Variants in PDILT observed in about 807,000 individuals in gnomAD.
PDILT encodes the protein protein disulfide-isomerase-like protein of the testis.
In PDILT, 43 loss-of-function variants were observed where a neutral mutation model predicts 53.7. The observed-to-expected ratio is 0.80, with a 90% CI of 0.63 to 1.03. The LOEUF is 1.03. Among genes scored for constraint, PDILT ranks in the 50% least tolerant of loss-of-function variants. PDILT has a pLI of 0.00. For missense variants in PDILT, 727 were observed against 712.3 expected (o/e 1.02, Z -0.24); for synonymous variants, 282 against 274.2 (o/e 1.03, Z -0.28).
At chr16:20,378,228 T>C (rs894117905) in intron 3 of PDILT, among the ~76,000 whole-genome samples, 18 of 152,200 alleles carry the variant, frequency 1.2e-4, no homozygotes, top group Non-Finnish European at 2.6e-4. Flanking sequence ...TAAATGATAA[T>C]GTATGGTTAG....
intron 9 of PDILT, 57 bp from the exon 10 acceptor site, chr16:20,362,639 G>A (rs1024734021): frequency 7.0e-6 from 11 of 1,563,316 alleles, no homozygotes; most frequent in African/African-American, 4.1e-5. Flanking sequence ...GAAAGCTGGC[G>A]CCACCCTACA....
rs530238492 is a variant in PDILT, at chr16:20,381,850, C to T, written c.409+2795G>A. Among the ~76,000 whole-genome samples, 3 of 152,158 alleles carry T rather than the reference C, an allele frequency of 2.0e-5. No homozygotes were observed. In the South Asian group the frequency reaches 6.2e-4, roughly 32 times the overall value. On this transcript the variant is annotated intron_variant, in intron 3 of 11. Coordinates refer to ENST00000302451, the MANE Select transcript of PDILT (RefSeq NM_174924.2). ...GGGTACTTTACCCTATGCCCACCTG[C>T]AGTGGGTGCTTCCAATTCCATTGTA...
intron 1 of PDILT, among the ~76,000 whole-genome samples, chr16:20,400,942 T>A (rs1203172659): frequency 2.6e-5 from 4 of 152,248 alleles, no homozygotes; most frequent in Admixed American, 2.6e-4. Context: ...TCATAAATTT[T>A]AAGTCTGTTT....
intron 7 of PDILT, 90 bp from the exon 8 acceptor site, chr16:20,369,779 G>T: frequency 7.6e-7 from 1 of 1,324,350 alleles, no homozygotes; most frequent in Non-Finnish European, 1.1e-6. Context: ...GGATGCACAT[G>T]GTGGGGTCTG....
intron 2 of PDILT, among the ~76,000 whole-genome samples, chr16:20,388,376 T>G (rs1966566473): frequency 6.6e-6 from 1 of 152,188 alleles, no homozygotes; most frequent in Non-Finnish European, 1.5e-5. Flanking sequence ...CCCAGAGGTC[T>G]TACAGCTAGT....
At chr16:20,360,765 T>C in intron 10 of PDILT, 108 bp from the exon 11 acceptor site, 1 of 776,340 alleles carries the variant, frequency 1.3e-6, no homozygotes, top group Non-Finnish European at 2.3e-6. Context: ...ACCCCGGGTA[T>C]GTTATGCAGG....
intron 11 of PDILT, among the ~76,000 whole-genome samples, 173 bp from the exon 12 acceptor site, chr16:20,359,740 C>T (rs754027683): frequency 1.1e-4 from 17 of 152,152 alleles, no homozygotes; most frequent in Non-Finnish European, 2.2e-4. Context: ...GCTGAAGATC[C>T]GTTTGGTTTC....
intron 3 of PDILT, among the ~76,000 whole-genome samples, chr16:20,383,492 G>A (rs1301552788): frequency 8.8e-6 from 1 of 113,466 alleles, no homozygotes; most frequent in East Asian, 3.0e-4. Context: ...CCTCCCACAA[G>A]CCTGCTGGGA....
intron 2 of PDILT, among the ~76,000 whole-genome samples, chr16:20,393,507 C>T (rs114285929): frequency 0.013 from 2,054 of 152,170 alleles, 34 homozygotes; most frequent in African/African-American, 0.047. Flanking sequence ...TAAATGTTAA[C>T]GGTAGAAAAA....
In PDILT at chr16:20,373,114, A is replaced by C; in HGVS notation, c.690T>G (p.Ile230Met). 1 of 1,613,808 alleles carries C rather than the reference A, an allele frequency of 6.2e-7. No homozygotes were observed. Among genetic ancestry groups the C allele is most frequent in the Admixed American group, 1.7e-5 (1 of 60,000 alleles). The change falls in exon 6 of 12, where the codon ATT becomes ATG. Residue 230 changes from isoleucine to methionine, a missense_variant. By Grantham distance (10) the Ile-to-Met change is conservative (BLOSUM62 1). Coordinates refer to ENST00000302451, the MANE Select transcript of PDILT (RefSeq NM_174924.2). ...DSVLVFKKGKIVNRQKLINDS... is the reference protein window; with the variant it reads ...DSVLVFKKGKMVNRQKLINDS... Reference sequence around the variant, plus strand: ...CATTAATAAGCTTTTGGCGGTTCACAATTTTTCCCTTGTACAAAAGGAGAA... The same window carrying C: ...CATTAATAAGCTTTTGGCGGTTCACCATTTTTCCCTTGTACAAAAGGAGAA...
intron 10 of PDILT, among the ~76,000 whole-genome samples, chr16:20,361,879 G>A (rs1473806452): frequency 6.6e-6 from 1 of 152,184 alleles, no homozygotes; most frequent in Non-Finnish European, 1.5e-5. Flanking sequence ...TAAGGAGCAG[G>A]AACCTGGGCT....
intron 2 of PDILT, chr16:20,388,640 G>A (rs1966569205): frequency 6.6e-6 from 1 of 152,176 alleles, no homozygotes; most frequent in Non-Finnish European, 1.5e-5. Flanking sequence ...GGCCAGGCGT[G>A]GTGACTCCAC....
At chr16:20,379,917 A>G (rs1445200275) in intron 3 of PDILT, among the ~76,000 whole-genome samples, 1 of 152,184 alleles carries the variant, frequency 6.6e-6, no homozygotes, top group Non-Finnish European at 1.5e-5. Flanking sequence ...GAGTTTCTGT[A>G]CAGTGTTTCC....
chr16:20,369,830 C>T (rs1966277584), intron 7 of PDILT, 141 bp from the exon 8 acceptor site: 1 of 809,924 alleles, frequency 1.2e-6, no homozygotes, highest in Admixed American at 2.2e-5. Flanking sequence ...AGGTGGAGCT[C>T]TGCACCGAAA....
chr16:20,400,021 T>A (rs1332989763), intron 1 of PDILT, among the ~76,000 whole-genome samples: 3 of 110,156 alleles, frequency 2.7e-5, no homozygotes, highest in Non-Finnish European at 1.8e-5. Flanking sequence ...TCTCTATCTA[T>A]CTATCTATCT....
chr16:20,396,893 G>T (rs1966668612), intron 2 of PDILT, among the ~76,000 whole-genome samples: 1 of 114,760 alleles, frequency 8.7e-6, no homozygotes, highest in South Asian at 2.6e-4. Context: ...GATAGCTTCT[G>T]CCTGTGGAGT....
In PDILT at chr16:20,360,601, G is replaced by T. The variant is rs1169314052; in HGVS notation, c.1473C>A (p.Ser491Arg). 2 of 1,613,958 alleles carry T rather than the reference G, an allele frequency of 1.2e-6. No homozygotes were observed. The highest frequency in any genetic ancestry group is 1.7e-6 in the Non-Finnish European group (2 of 1,179,968). The part of the protein sequence containing the change: ...TLKGFSDFLE[S>R]HIKTKIEDED... ...CATCCTCAATCTTAGTTTTGATGTG[G>T]CTTTCCAGGAAGTCAGAGAAGCCCT... Residue 491 changes from serine to arginine, a missense_variant, in exon 11 of 12, where the codon AGC (serine) becomes AGA (arginine). Coordinates refer to ENST00000302451, the MANE Select transcript of PDILT (RefSeq NM_174924.2).
At chr16:20,402,788 G>A (rs1051518596) in intron 1 of PDILT, among the ~76,000 whole-genome samples, 2 of 152,134 alleles carry the variant, frequency 1.3e-5, no homozygotes, top group Non-Finnish European at 2.9e-5. Flanking sequence ...AGCATCCCAG[G>A]GCTCCCCTGA....
At position 20,392,055 on chromosome 16, in the gene PDILT, T is replaced by G. The variant is rs112132396; in HGVS notation, c.202+7044A>C. On this transcript the variant is annotated intron_variant, in intron 2 of 11. Transcript: ENST00000302451. ...CATTGGAGAAGGCAGGGAGACCATC[T>G]CAGAGGCTGCTGCAGTGGTTCAGGT... Among the ~76,000 whole-genome samples, 10 of 152,072 alleles carry G rather than the reference T, an allele frequency of 6.6e-5. 1 individual carries two copies. The highest frequency in any genetic ancestry group is 2.2e-4 in the African/African-American group (9 of 41,490).
Sources: gnomAD v4.1 joint callset for allele counts (sites outside exome capture counted in the v4.1 genomes callset) on GRCh38, gnomAD v4.1.1 for gene constraint, MANE v1.5 for transcripts, NCBI Gene and HGNC (gene_info 2026-07-23, HGNC 2026-07-21) for gene names.